The following MGMT variants were observed in gnomAD, a reference collection of about 807,000 sequenced individuals.
MGMT encodes methylated-DNA--protein-cysteine methyltransferase.
In MGMT, 14 loss-of-function variants were observed where a neutral mutation model predicts 15.9. The observed-to-expected ratio is 0.88, with a 90% CI of 0.58 to 1.37. MGMT has a LOEUF of 1.37. MGMT is among the 40% of genes most tolerant of loss of function. MGMT has a pLI of 0.00. For missense variants in MGMT, 282 were observed against 268.1 expected, an observed-to-expected ratio of 1.05 and a Z score of -0.36; for synonymous variants, 130 against 118.2, an observed-to-expected ratio of 1.10 and a Z score of -0.65.
intron 1 of MGMT, among the ~76,000 whole-genome samples, chr10:129,529,688 C>G (rs1254352405): frequency 6.6e-6 from 1 of 152,080 alleles, no homozygotes; most frequent in East Asian, 1.9e-4. Flanking sequence ...TTATTTTACA[C>G]CTCAGTTTTT....
At chr10:129,655,496 C>G (rs73388774) in intron 2 of MGMT, among the ~76,000 whole-genome samples, 5,062 of 152,244 alleles carry the variant, frequency 0.033, 292 homozygotes, top group African/African-American at 0.12. Flanking sequence ...GAAAATCTTC[C>G]CCGTTGAGTT....
At chr10:129,507,656 G>A (rs912957693) in intron 1 of MGMT, among the ~76,000 whole-genome samples, 1 of 152,186 alleles carries the variant, frequency 6.6e-6, no homozygotes, top group Admixed American at 6.5e-5. Context: ...TGAGCTGTGG[G>A]AAGCAGGCTT....
intron 2 of MGMT, among the ~76,000 whole-genome samples, chr10:129,680,280 C>T (rs920265623): frequency 6.6e-6 from 1 of 152,176 alleles, no homozygotes; most frequent in Non-Finnish European, 1.5e-5. Context: ...TCCTGGCACA[C>T]AGGTCAGCCT....
chr10:129,591,492 C>T (rs1389719720), intron 2 of MGMT, among the ~76,000 whole-genome samples: 6 of 152,282 alleles, frequency 3.9e-5, no homozygotes, highest in South Asian at 2.1e-4. Flanking sequence ...TCTGTAACAA[C>T]GCCAAGACCT....
At chr10:129,486,014 A>G (rs1013572707) in intron 1 of MGMT, among the ~76,000 whole-genome samples, 1 of 152,222 alleles carries the variant, frequency 6.6e-6, no homozygotes, top group Non-Finnish European at 1.5e-5. Context: ...AGAAGACTTA[A>G]TTTAAGTTCA....
At position 129,666,854 on chromosome 10, in the gene MGMT, A is replaced by T. The variant is rs74160259; in HGVS notation, c.126-41041A>T. On this transcript the variant is annotated intron_variant, in intron 2 of 4. Coordinates refer to ENST00000651593, the MANE Select transcript of MGMT (RefSeq NM_002412.5). ...GTTTCTAATGTTTGCTGCTTATGAA[A>T]CATAAGATGGTAATTAACAGGTGAT... 1.9e-3 allele frequency among the ~76,000 whole-genome samples: 294 copies of T among 152,306 alleles called. 2 individuals carry two copies. The highest frequency in any genetic ancestry group is 6.8e-3 in the African/African-American group (284 of 41,558).
intron 1 of MGMT, among the ~76,000 whole-genome samples, chr10:129,505,130 A>ATTGC (rs1308503243): frequency 6.6e-6 from 1 of 152,168 alleles, no homozygotes; most frequent in Non-Finnish European, 1.5e-5. Flanking sequence ...TTGGGAAAGA[A>ATTGC]TTGCTCAGGA....
chr10:129,723,069 A>G (rs1028880719), intron 3 of MGMT, among the ~76,000 whole-genome samples: 2 of 144,658 alleles, frequency 1.4e-5, no homozygotes, highest in South Asian at 4.4e-4. Flanking sequence ...CTGGATATCC[A>G]TTTTTTTTTC....
chr10:129,526,129 C>A (rs1043861954), intron 1 of MGMT, among the ~76,000 whole-genome samples: 1 of 152,214 alleles, frequency 6.6e-6, no homozygotes, highest in African/African-American at 2.4e-5. Context: ...GGGGTCTCAG[C>A]CGTGGCCCTT....
chr10:129,554,911 T>C (rs1260004874), intron 2 of MGMT, among the ~76,000 whole-genome samples: 5 of 152,148 alleles, frequency 3.3e-5, no homozygotes, highest in Non-Finnish European at 1.5e-5. Context: ...TTTACAGCTA[T>C]AAAGTGGACA....
At chr10:129,764,335 T>C (rs1463021999) in intron 4 of MGMT, among the ~76,000 whole-genome samples, 1 of 152,120 alleles carries the variant, frequency 6.6e-6, no homozygotes, top group Non-Finnish European at 1.5e-5. Context: ...CAAGGGGGGC[T>C]GGGGCTTCCC....
intron 3 of MGMT, among the ~76,000 whole-genome samples, chr10:129,743,730 G>A (rs1164069984): frequency 6.6e-6 from 1 of 152,236 alleles, no homozygotes; most frequent in East Asian, 1.9e-4. Context: ...TGAAACAAAT[G>A]CCATTGTTTT....
At chr10:129,508,614 T>C (rs1970198) in intron 1 of MGMT, among the ~76,000 whole-genome samples, 150,521 of 150,762 alleles carry the variant, frequency 1, 75,141 homozygotes, top group Middle Eastern at 1. Context: ...GGTGCGATCT[T>C]GGCTCACTGC....
chr10:129,518,333 C>G (rs1589846018), intron 1 of MGMT, among the ~76,000 whole-genome samples: 2 of 87,746 alleles, frequency 2.3e-5, no homozygotes. Flanking sequence ...CAGATACACA[C>G]ACATACACAC....
intron 2 of MGMT, among the ~76,000 whole-genome samples, chr10:129,582,747 A>G (rs942626453): frequency 6.6e-6 from 1 of 152,168 alleles, no homozygotes; most frequent in Non-Finnish European, 1.5e-5. Context: ...GTTTTAGCAC[A>G]CCAGCGGGTT....
chr10:129,732,276 G>GT (rs1848507603), intron 3 of MGMT, among the ~76,000 whole-genome samples: 1 of 151,918 alleles, frequency 6.6e-6, no homozygotes. Context: ...TTTATATTAG[G>GT]TATTTCTCCT....
At chr10:129,477,233 G>GCC (rs1448196454) in intron 1 of MGMT, among the ~76,000 whole-genome samples, 2 of 152,162 alleles carry the variant, frequency 1.3e-5, no homozygotes, top group African/African-American at 4.8e-5. Flanking sequence ...AGCTACTTCA[G>GCC]CCCCCACGAT....
At chr10:129,729,921 A>G (rs893537333) in intron 3 of MGMT, among the ~76,000 whole-genome samples, 1 of 152,178 alleles carries the variant, frequency 6.6e-6, no homozygotes, top group Non-Finnish European at 1.5e-5. Context: ...ATTTGTCAGC[A>G]TTCCCTGAAA....
At chr10:129,474,307 CAG>C (rs941465013) in intron 1 of MGMT, among the ~76,000 whole-genome samples, 1 of 152,160 alleles carries the variant, frequency 6.6e-6, no homozygotes, top group Non-Finnish European at 1.5e-5. Flanking sequence ...GCAGAGGATG[CAG>C]GATGGTGGCA....
Sources: allele counts gnomAD v4.1 joint callset (sites outside exome capture counted in the v4.1 genomes callset), GRCh38; gene constraint gnomAD v4.1.1; transcripts MANE v1.5; gene names NCBI Gene and HGNC (gene_info 2026-07-23, HGNC 2026-07-21).